Variants in CREBBP observed in about 807,000 individuals in gnomAD.
The protein encoded by CREBBP is CREB-binding protein.
Under a neutral mutation model 265.0 loss-of-function variants are expected in CREBBP, and 19 were observed. The observed-to-expected ratio is 0.07, with a 90% CI of 0.05 to 0.11. CREBBP has a LOEUF of 0.11. Among genes scored for constraint, CREBBP ranks in the 10% least tolerant of loss-of-function variants. CREBBP has a pLI of 1.00. For synonymous variants in CREBBP, 1,457 were observed against 1,223.7 expected, an observed-to-expected ratio of 1.19 and a Z score of -3.98; for missense variants, 2,525 against 3,219.0, an observed-to-expected ratio of 0.78 and a Z score of 5.22.
Position 3,745,585 on chromosome 16 carries a change from T to C in CREBBP, c.3837-231A>G, listed in dbSNP as rs2052323461. On this transcript the variant is annotated intron_variant, in intron 21 of 30. Transcript: ENST00000262367. ...GTACAAGCGCTTCATTCCTCTTTTC[T>C]CCCAATCTCCCTTTGCAACCAGAAA... 8 of 558,082 alleles carry C rather than the reference T, an allele frequency of 1.4e-5. 1 individual carries two copies. The South Asian group carries it at 1.6e-4, about 11-fold the overall frequency. The allele number at this position is 558,082 out of a possible 1,614,324, so 34.6% of individuals were successfully genotyped here.
rs578249410 is a variant in CREBBP, at chr16:3,868,785, A to T, written c.85+11047T>A. Among the ~76,000 whole-genome samples the T allele has an allele frequency of 8.5e-5, 13 of 152,288 alleles. No homozygotes were observed. The East Asian group carries it at 2.1e-3, about 25-fold the overall frequency. On this transcript the variant is annotated intron_variant, in intron 1 of 30. Transcript: ENST00000262367. ...CACGGGACTGCTCACCCACCACACC[A>T]CACAACTCAGAGTTCCATGAGGACA...
intron 16 of CREBBP, among the ~76,000 whole-genome samples, chr16:3,765,772 C>T (rs1443171179): frequency 2.6e-5 from 4 of 152,132 alleles, no homozygotes; most frequent in East Asian, 1.9e-4. Context: ...CTCAACCTCT[C>T]GAGTAGCTGC....
chr16:3,842,899 G>A (rs2054591353), intron 2 of CREBBP, among the ~76,000 whole-genome samples: 1 of 146,912 alleles, frequency 6.8e-6, no homozygotes, highest in Non-Finnish European at 1.5e-5. Flanking sequence ...CTGGGAGGCA[G>A]GGGTTGCAGT....
Position 3,850,837 on chromosome 16 carries a change from T to C in CREBBP, c.258A>G (p.Ile86Met), listed in dbSNP as rs2054819160. Reference sequence around the variant, plus strand: ...CGGGGCTGCTGGCGCTCACATTTCCTATTCCTGGGTTGATACTAGAGCCGC... The same window carrying C: ...CGGGGCTGCTGGCGCTCACATTTCCCATTCCTGGGTTGATACTAGAGCCGC... ...GGSGSSINPG[I>M]GNVSASSPVQ... The change falls in exon 2 of 31, where the codon ATA becomes ATG. Residue 86 changes from isoleucine to methionine, a missense_variant. By Grantham distance (10) the Ile-to-Met change is conservative. This residue lies in a region of CREBBP where 356 missense variants were observed against 340.4 expected (regional missense o/e 1.05). Transcript: ENST00000262367. 6.2e-7 allele frequency: 1 copy of C among 1,614,196 alleles called. No individual in the cohort carries two copies. The highest frequency in any genetic ancestry group is 1.3e-5 in the African/African-American group (1 of 75,054).
intron 1 of CREBBP, among the ~76,000 whole-genome samples, chr16:3,851,267 AACAAG>A (rs2054828751): frequency 6.7e-6 from 1 of 148,630 alleles, no homozygotes; most frequent in South Asian, 2.2e-4. Flanking sequence ...CAGCCTGGGC[AACAAG>A]ACCGAAACAC....
intron 5 of CREBBP, among the ~76,000 whole-genome samples, chr16:3,787,522 A>C (rs2053414319): frequency 6.6e-6 from 1 of 152,098 alleles, no homozygotes; most frequent in South Asian, 2.1e-4. Context: ...AAGGGCCCTC[A>C]AGTGAACAAA....
At chr16:3,754,572 G>A (rs2052545973) in intron 19 of CREBBP, among the ~76,000 whole-genome samples, 2 of 152,022 alleles carry the variant, frequency 1.3e-5, no homozygotes, top group Non-Finnish European at 1.5e-5. Context: ...TATCTGTAAG[G>A]GTAATTTAAT....
At chr16:3,760,122 C>A (rs2052678592) in intron 16 of CREBBP, among the ~76,000 whole-genome samples, 1 of 152,132 alleles carries the variant, frequency 6.6e-6, no homozygotes. Context: ...GACAAGGTCG[C>A]ACTCTGTTGC....
chr16:3,727,973 A>T lies in CREBBP; in HGVS notation c.7074T>A (p.Pro2358=), dbSNP rs2051792297. Residue 2358 remains proline, a synonymous_variant, in exon 31 of 31, where the codon CCT becomes CCA. Transcript: ENST00000262367. ...TCCGTGGTGACGGGCTGGAATGTGG[A>T]GGCTGGGACTGGGGCCGTGGAGACT... ...PVQSPRPQSQ[P]PHSSPSPRIQ... 1 of 1,607,252 alleles carries T rather than the reference A, an allele frequency of 6.2e-7. No individual in the cohort carries two copies. Among genetic ancestry groups the T allele is most frequent in the South Asian group, 1.1e-5 (1 of 90,556 alleles).
Position 3,748,104 on chromosome 16 carries a change from A to AATAAATACATAC in CREBBP, c.3836+1522_3836+1523insGTATGTATTTAT, listed in dbSNP as rs1555476083. 8.6e-4 allele frequency among the ~76,000 whole-genome samples: 130 copies of AATAAATACATAC among 150,796 alleles called. 1 individual carries two copies. The highest frequency in any genetic ancestry group is 3.0e-3 in the African/African-American group (120 of 40,630). On this transcript the variant is annotated intron_variant, in intron 21 of 30. Transcript: ENST00000262367. Reference sequence around the variant, plus strand: ...AAACTCCATCTCAAAAATAAAAATAAATACATACATACATACATACATAAG... The same window carrying AATAAATACATAC: ...AAACTCCATCTCAAAAATAAAAATAAATAAATACATACATACATACATACATACATACATAAG...
chr16:3,796,160 G>A (rs1363882858), intron 3 of CREBBP, among the ~76,000 whole-genome samples: 2 of 152,054 alleles, frequency 1.3e-5, no homozygotes, highest in African/African-American at 4.8e-5. Flanking sequence ...TAAAAATTAG[G>A]CAAAAAATTT....
intron 1 of CREBBP, among the ~76,000 whole-genome samples, chr16:3,852,080 G>GT (rs1181120377): frequency 4.2e-5 from 4 of 96,258 alleles, no homozygotes; most frequent in Admixed American, 3.5e-4. Flanking sequence ...AAAAAAGAAT[G>GT]TATGTGTGTA....
rs559734587 is a variant in CREBBP, at chr16:3,739,798, CCT to C, written c.4134-76_4134-75del. Reference sequence around the variant, plus strand: ...GGTGCTTCTGCACACCAGGCCTGCTCCTCTAACTCTGGCCACTGCAGATGAGC... The same window carrying C: ...GGTGCTTCTGCACACCAGGCCTGCTCCTAACTCTGGCCACTGCAGATGAGC... On this transcript the variant is annotated intron_variant, in intron 24 of 30. Transcript: ENST00000262367. The C allele has an allele frequency of 1.8e-5, 29 of 1,602,870 alleles. 1 individual carries two copies. In the African/African-American group the frequency reaches 2.5e-4, roughly 14 times the overall value.
At chr16:3,873,847 A>G (rs2055347618) in intron 1 of CREBBP, among the ~76,000 whole-genome samples, 1 of 152,172 alleles carries the variant, frequency 6.6e-6, no homozygotes, top group Non-Finnish European at 1.5e-5. Context: ...ATCTGCTTGA[A>G]AGTAAAACCT....
chr16:3,856,612 C>A (rs1250054860), intron 1 of CREBBP, among the ~76,000 whole-genome samples: 2 of 152,190 alleles, frequency 1.3e-5, no homozygotes, highest in Non-Finnish European at 2.9e-5. Flanking sequence ...TGAGCCACTG[C>A]AGCCCAAAAT....
At chr16:3,855,423 C>T (rs1206911356) in intron 1 of CREBBP, among the ~76,000 whole-genome samples, 5 of 152,148 alleles carry the variant, frequency 3.3e-5, no homozygotes, top group Non-Finnish European at 5.9e-5. Flanking sequence ...CACCACCGCA[C>T]CCGGCTAACG....
intron 2 of CREBBP, among the ~76,000 whole-genome samples, chr16:3,822,837 G>A (rs931687163): frequency 1.3e-5 from 2 of 152,140 alleles, no homozygotes; most frequent in African/African-American, 2.4e-5. Flanking sequence ...TGATGTCAGC[G>A]AGGAGACAAA....
chr16:3,854,034 ATGT>A (rs1413855326), intron 1 of CREBBP, among the ~76,000 whole-genome samples: 13 of 152,168 alleles, frequency 8.5e-5, no homozygotes, highest in African/African-American at 3.1e-4. Context: ...GCAGACCCTA[ATGT>A]CTGCTCACCC....
At chr16:3,822,057 A>C (rs979570466) in intron 2 of CREBBP, among the ~76,000 whole-genome samples, 13 of 152,190 alleles carry the variant, frequency 8.5e-5, no homozygotes, top group Non-Finnish European at 1.8e-4. Flanking sequence ...TCTGTCACAC[A>C]CACACACAAA....
Sources: gnomAD v4.1 joint callset for allele counts (sites outside exome capture counted in the v4.1 genomes callset) on GRCh38, gnomAD v4.1.1 for gene constraint, gnomAD v4.1.1 regional missense constraint, MANE v1.5 for transcripts, NCBI Gene and HGNC (gene_info 2026-07-23, HGNC 2026-07-21) for gene names.